Variants in TMEM221 observed in about 807,000 individuals in gnomAD.
TMEM221 encodes transmembrane protein 221, also known as Putative transmembrane protein ENSP00000342162.
TMEM221 carries 11 observed loss-of-function variants against 10.2 expected under a neutral mutation model. That is an observed-to-expected ratio of 1.08 (90% CI 0.68 to 1.79). The LOEUF is 1.79. TMEM221 is among the 40% of genes most tolerant of loss of function. The pLI is 0.00. For synonymous variants in TMEM221, 172 were observed against 199.8 expected (o/e 0.86, Z 1.18); for missense variants, 382 against 417.7 (o/e 0.91, Z 0.75).
chr19:17,448,607 C>CTG lies in TMEM221; in HGVS notation c.-147_-146dup. On this transcript the variant is annotated 5_prime_UTR_variant, in exon 1 of 3. Coordinates refer to ENST00000341130, the MANE Select transcript of TMEM221 (RefSeq NM_001190844.2). The surrounding 1 kb of genome is among the most constrained non-coding windows in gnomAD (Gnocchi z 4.7). ...AGTGTCTGAAAGTTCGGGGACTGGG[C>CTG]TGGGGGTCGCCAGACGGACGGGGGC... The CTG allele has an allele frequency of 2.0e-6, 1 of 508,338 alleles. No homozygotes were observed. Among genetic ancestry groups the CTG allele is most frequent in the South Asian group, 5.9e-5 (1 of 16,970 alleles). 31.5% of individuals were successfully genotyped at this position (508,338 alleles called of 1,614,324 possible).
intron 2 of TMEM221, 72 bp from the exon 3 acceptor site, chr19:17,436,999 C>T: frequency 8.3e-7 from 1 of 1,201,100 alleles, no homozygotes; most frequent in East Asian, 2.9e-5. Context: ...GGAGTTCTTG[C>T]ACACAGGGAG....
At position 17,448,210 on chromosome 19, in the gene TMEM221, A is replaced by G. The variant is rs1412237466; in HGVS notation, c.253T>C (p.Cys85Arg). Residue 85 changes from cysteine (C) to arginine (R), a missense_variant, in exon 1 of 3, where the codon TGC becomes CGC. Physicochemically the swap from Cys to Arg is radical, Grantham distance 180 (BLOSUM62 -3). Transcript: ENST00000341130. This position sits in a 1 kb window ranked among gnomAD's most constrained non-coding sequence, Gnocchi z 4.7. ...CCACAGAGCGCGGCGAGCAGCAAGC[A>G]GGTGAACCCCAGCACGAGCACCAGC... ...AALVLVLGFT[C>R]LLLAALCGHL... 69 of 1,429,056 alleles carry G rather than the reference A, an allele frequency of 4.8e-5. No individual in the cohort carries two copies. Among genetic ancestry groups the G allele is most frequent in the Non-Finnish European group, 6.2e-5 (68 of 1,093,788 alleles). 88.5% of individuals were successfully genotyped at this position (1,429,056 alleles called of 1,614,324 possible). A position where few individuals can be genotyped will look rare whatever the true frequency, so the allele number is the denominator to read the frequency against.
chr19:17,443,842 G>A (rs73923934), intron 2 of TMEM221, among the ~76,000 whole-genome samples: 1,999 of 152,108 alleles, frequency 0.013, 49 homozygotes, highest in African/African-American at 0.044. Flanking sequence ...AATATAAGGC[G>A]TTAGGAGTCT....
intron 1 of TMEM221, among the ~76,000 whole-genome samples, chr19:17,447,879 T>G (rs1189169945): frequency 6.6e-6 from 1 of 152,154 alleles, no homozygotes; most frequent in Non-Finnish European, 1.5e-5. Flanking sequence ...CTGGACCCTC[T>G]TTGAGCCTCA....
chr19:17,444,650 C>T (rs1200935625), intron 2 of TMEM221, among the ~76,000 whole-genome samples: 2 of 140,030 alleles, frequency 1.4e-5, no homozygotes, highest in Non-Finnish European at 3.1e-5. Flanking sequence ...ACCTTAGCCT[C>T]CCGAGGAGCT....
chr19:17,444,242 G>A (rs563028013), intron 2 of TMEM221, among the ~76,000 whole-genome samples: 31 of 151,300 alleles, frequency 2.0e-4, no homozygotes, highest in Non-Finnish European at 3.7e-4. Context: ...CACCATGCCC[G>A]GCTAATTTTT....
At chr19:17,447,182 A>G (rs2074956046) in intron 1 of TMEM221, among the ~76,000 whole-genome samples, 1 of 151,244 alleles carries the variant, frequency 6.6e-6, no homozygotes, top group Admixed American at 6.6e-5. Flanking sequence ...AGATAGCGCC[A>G]CTGCACTCCA....
chr19:17,447,170 C>T (rs1568399502), intron 1 of TMEM221, among the ~76,000 whole-genome samples: 2 of 151,060 alleles, frequency 1.3e-5, no homozygotes, highest in Non-Finnish European at 2.9e-5. Context: ...TGCAGTGAAC[C>T]GAGATAGCGC....
intron 1 of TMEM221, 72 bp from the exon 2 acceptor site, chr19:17,445,356 G>A (rs1194215803): frequency 7.7e-7 from 1 of 1,300,818 alleles, no homozygotes; most frequent in Non-Finnish European, 1.1e-6. Flanking sequence ...AGTGAGGACA[G>A]GGAGGGAGAG....
At chr19:17,441,654 C>T (rs1339316669) in intron 2 of TMEM221, among the ~76,000 whole-genome samples, 1 of 152,058 alleles carries the variant, frequency 6.6e-6, no homozygotes, top group African/African-American at 2.4e-5. Flanking sequence ...GCTACTGGGA[C>T]AGATAGATTT....
At chr19:17,441,404 G>A (rs149153909) in intron 2 of TMEM221, among the ~76,000 whole-genome samples, 1 of 152,088 alleles carries the variant, frequency 6.6e-6, no homozygotes, top group Admixed American at 6.6e-5. Flanking sequence ...TCCAGGCAGT[G>A]ACAAAAGTTC....
At position 17,448,451 on chromosome 19, in the gene TMEM221, A is replaced by G; in HGVS notation, c.12T>C (p.Ser4=). 6.8e-7 allele frequency: 1 copy of G among 1,477,104 alleles called. No homozygotes were observed. The highest frequency in any genetic ancestry group is 8.9e-7 in the Non-Finnish European group (1 of 1,119,762). 91.5% of individuals were successfully genotyped at this position (1,477,104 alleles called of 1,614,324 possible). Reference sequence around the variant, plus strand: ...TTGCAGCCAGCACCCGGCCGCCGTAAGAACGGGCCATGGCGGGGGTTCCTG... The same window carrying G: ...TTGCAGCCAGCACCCGGCCGCCGTAGGAACGGGCCATGGCGGGGGTTCCTG... The part of the protein sequence containing the change: MAR[S]YGGRVLAAMT... Residue 4 remains serine, a synonymous_variant, in exon 1 of 3, where the codon TCT becomes TCC. Transcript: ENST00000341130. The surrounding 1 kb of genome is among the most constrained non-coding windows in gnomAD (Gnocchi z 4.7).
At chr19:17,442,259 T>G (rs1261837278) in intron 2 of TMEM221, among the ~76,000 whole-genome samples, 5 of 151,732 alleles carry the variant, frequency 3.3e-5, no homozygotes, top group African/African-American at 1.2e-4. Flanking sequence ...ATTATTATTA[T>G]TATCAACAAC....
At chr19:17,447,011 C>G (rs2074955464) in intron 1 of TMEM221, among the ~76,000 whole-genome samples, 1 of 151,992 alleles carries the variant, frequency 6.6e-6, no homozygotes, top group African/African-American at 2.4e-5. Flanking sequence ...CATTTGAGGT[C>G]AGGAGTTCAA....
chr19:17,436,804 C>T lies in TMEM221; in HGVS notation c.530G>A (p.Arg177Gln), dbSNP rs991090936. 38 of 1,510,814 alleles carry T rather than the reference C, an allele frequency of 2.5e-5. No homozygotes were observed. The highest frequency in any genetic ancestry group is 1.1e-4 in the African/African-American group (8 of 72,784). The allele number at this position is 1,510,814 out of a possible 1,614,324, so 93.6% of individuals were successfully genotyped here. ...CTCATGGAGCCCACGGCGGGCAGCCCGGGCAGCCCGGAGGAGAGTGTGGGT... is the reference window on the plus strand; with the variant it reads ...CTCATGGAGCCCACGGCGGGCAGCCTGGGCAGCCCGGAGGAGAGTGTGGGT... ...VLTHTLLRAARAARRGLHELS... is the reference protein window; with the variant it reads ...VLTHTLLRAAQAARRGLHELS... Residue 177 changes from arginine (R) to glutamine (Q), a missense_variant, in exon 3 of 3, where the codon CGG becomes CAG. Transcript: ENST00000341130.
chr19:17,444,965 T>C lies in TMEM221; in HGVS notation c.406+234A>G, dbSNP rs534434333. The C allele has an allele frequency of 2.6e-4, 93 of 359,408 alleles. 2 individuals are homozygous for C. The South Asian group carries it at 3.5e-3, about 14-fold the overall frequency. 22.3% of individuals were successfully genotyped at this position (359,408 alleles called of 1,614,324 possible). ...TGGTCCTATGGGCTTTCATGAGGATTAAATCTCAGAATCTCCTCAAGTGAT... is the reference window on the plus strand; with the variant it reads ...TGGTCCTATGGGCTTTCATGAGGATCAAATCTCAGAATCTCCTCAAGTGAT... On this transcript the variant is annotated intron_variant, in intron 2 of 2. Transcript: ENST00000341130.
chr19:17,439,076 G>A (rs1034903597), intron 2 of TMEM221, among the ~76,000 whole-genome samples: 5 of 151,794 alleles, frequency 3.3e-5, no homozygotes, highest in African/African-American at 4.8e-5. Flanking sequence ...TCGTGGTGGC[G>A]GGCGCCTGCA....
chr19:17,444,796 T>TATA (rs1555738589), intron 2 of TMEM221: 3 of 129,424 alleles, frequency 2.3e-5, no homozygotes, highest in African/African-American at 5.7e-5. Context: ...TAAATATATA[T>TATA]TATATATATA....
At chr19:17,437,632 G>A (rs1338921073) in intron 2 of TMEM221, among the ~76,000 whole-genome samples, 1 of 152,220 alleles carries the variant, frequency 6.6e-6, no homozygotes, top group Non-Finnish European at 1.5e-5. Context: ...GGAGGCTGAA[G>A]CAGGAGAATT....
Sources: allele counts gnomAD v4.1 joint callset (sites outside exome capture counted in the v4.1 genomes callset), GRCh38; gene constraint gnomAD v4.1.1; non-coding constraint Gnocchi (gnomAD v3.1); transcripts MANE v1.5; gene names NCBI Gene and HGNC (gene_info 2026-07-23, HGNC 2026-07-21).